EPHA3: variants seen among roughly 807,000 people sequenced by gnomAD.
EPHA3 encodes the protein EPH receptor A3.
EPHA3 carries 42 observed loss-of-function variants against 107.1 expected under a neutral mutation model. The observed-to-expected ratio is 0.39, with a 90% confidence interval of 0.31 to 0.51. The LOEUF is 0.51. Ranked by LOEUF, EPHA3 falls within the 20% of genes least tolerant of loss-of-function variation. The pLI, the probability that EPHA3 is intolerant of heterozygous loss-of-function variation, is 0.78. For missense variants in EPHA3, 1,183 were observed against 1,211.2 expected (o/e 0.98, Z 0.35); for synonymous variants, 461 against 424.8 (o/e 1.09, Z -1.05).
intron 5 of EPHA3, among the ~76,000 whole-genome samples, chr3:89,365,345 T>G (rs548135285): frequency 6.6e-6 from 1 of 150,892 alleles, no homozygotes; most frequent in East Asian, 1.9e-4. Flanking sequence ...GAATGGTGGC[T>G]TAAGGTCTAC....
intron 3 of EPHA3, among the ~76,000 whole-genome samples, chr3:89,252,454 G>T (rs552033915): frequency 6.6e-6 from 1 of 152,142 alleles, no homozygotes; most frequent in African/African-American, 2.4e-5. Flanking sequence ...GAAACTATTT[G>T]GGGCCAGATA....
At chr3:89,232,909 T>C (rs1704671046) in intron 3 of EPHA3, among the ~76,000 whole-genome samples, 1 of 152,202 alleles carries the variant, frequency 6.6e-6, no homozygotes, top group Non-Finnish European at 1.5e-5. Context: ...GAACCGTAGC[T>C]GTTAGCTCTC....
intron 1 of EPHA3, among the ~76,000 whole-genome samples, chr3:89,108,419 G>A (rs1380842017): frequency 6.6e-6 from 1 of 152,182 alleles, no homozygotes; most frequent in Non-Finnish European, 1.5e-5. Flanking sequence ...AGGTTCTAAA[G>A]AGCAGCATAT....
chr3:89,438,185 T>G (rs1709711190), intron 13 of EPHA3, among the ~76,000 whole-genome samples: 1 of 151,886 alleles, frequency 6.6e-6, no homozygotes, highest in Non-Finnish European at 1.5e-5. Context: ...CTCGGCTCAC[T>G]GCAAGCTCTG....
At chr3:89,329,709 A>G (rs892001825) in intron 3 of EPHA3, among the ~76,000 whole-genome samples, 7 of 152,130 alleles carry the variant, frequency 4.6e-5, no homozygotes, top group Non-Finnish European at 8.8e-5. Context: ...TAAACCTGTT[A>G]TAGTGCATCT....
At chr3:89,138,838 T>C (rs886439731) in intron 2 of EPHA3, among the ~76,000 whole-genome samples, 3 of 151,900 alleles carry the variant, frequency 2.0e-5, no homozygotes, top group Admixed American at 2.0e-4. Context: ...TCTTTTATGT[T>C]AATCAGATTA....
chr3:89,364,279 T>C (rs1280885858), intron 5 of EPHA3, among the ~76,000 whole-genome samples: 1 of 150,938 alleles, frequency 6.6e-6, no homozygotes, highest in African/African-American at 2.4e-5. Flanking sequence ...CTCAGTGATT[T>C]TTGAAACCAG....
chr3:89,402,779 T>G (rs1288903850), intron 7 of EPHA3, among the ~76,000 whole-genome samples: 2 of 152,142 alleles, frequency 1.3e-5, no homozygotes, highest in East Asian at 3.9e-4. Context: ...CCCTACAAAA[T>G]CCGCCTCCTG....
chr3:89,341,145 G>T, intron 4 of EPHA3, 74 bp downstream of exon 4: 1 of 1,470,784 alleles, frequency 6.8e-7, no homozygotes, highest in Non-Finnish European at 9.1e-7. Context: ...GTTTGTTTTT[G>T]TTTTAAAGCA....
chr3:89,127,346 A>G, intron 2 of EPHA3, 73 bp downstream of exon 2: 2 of 1,207,722 alleles, frequency 1.7e-6, no homozygotes, highest in East Asian at 2.3e-5. Context: ...AATTTATTGT[A>G]TTCTCTAAAG....
At chr3:89,366,104 C>A (rs141805620) in intron 5 of EPHA3, among the ~76,000 whole-genome samples, 19 of 150,670 alleles carry the variant, frequency 1.3e-4, no homozygotes, top group African/African-American at 4.6e-4. Flanking sequence ...AGGGAGATGA[C>A]CTTTCAGAGA....
At position 89,371,377 on chromosome 3, in the gene EPHA3, G is replaced by A. The variant is rs79323282; in HGVS notation, c.1307-24460G>A. Among the ~76,000 whole-genome samples the A allele has an allele frequency of 5.9e-5, 9 of 151,568 alleles. No individual in the cohort carries two copies. The South Asian group carries it at 6.2e-4, about 11-fold the overall frequency. ...TTTAATGAACATGCCCTTAACTATC[G>A]TCGACATTTTGGTACCTATTGTGCA... is the stretch of plus-strand genomic sequence containing the variant. On this transcript the variant is annotated intron_variant, in intron 5 of 16. Coordinates refer to ENST00000336596, the MANE Select transcript of EPHA3 (RefSeq NM_005233.6).
Position 89,480,204 on chromosome 3 carries a change from T to C in EPHA3, c.*702T>C, listed in dbSNP as rs1710597435. ...CCTTGATGATTTAATATGGATTTGT[T>C]ACAGCCAAGTGCCAAATGCTCTCTC... On this transcript the variant is annotated 3_prime_UTR_variant, in exon 17 of 17. Transcript: ENST00000336596. 1 of 233,010 alleles carries C rather than the reference T, an allele frequency of 4.3e-6. No individual in the cohort carries two copies. Among genetic ancestry groups the C allele is most frequent in the Non-Finnish European group, 8.5e-6 (1 of 117,834 alleles). The allele number at this position is 233,010 out of a possible 1,614,324, so 14.4% of individuals were successfully genotyped here. A position where few individuals can be genotyped will look rare whatever the true frequency, so the allele number is the denominator to read the frequency against.
At position 89,343,420 on chromosome 3, in the gene EPHA3, T is replaced by C. The variant is rs1394137864; in HGVS notation, c.1306+1330T>C. ...CCTCTCTACTGGTTAATTTCTCAAA[T>C]ACACTGAGTAGTCCCCTAAGCTCAG... On this transcript the variant is annotated intron_variant, in intron 5 of 16. Coordinates refer to ENST00000336596, the MANE Select transcript of EPHA3 (RefSeq NM_005233.6). 4.6e-5 allele frequency among the ~76,000 whole-genome samples: 7 copies of C among 152,192 alleles called. No individual in the cohort carries two copies. In the South Asian group the frequency reaches 8.3e-4, roughly 18 times the overall value.
At chr3:89,123,895 G>T (rs1704027724) in intron 1 of EPHA3, among the ~76,000 whole-genome samples, 1 of 151,960 alleles carries the variant, frequency 6.6e-6, no homozygotes, top group Non-Finnish European at 1.5e-5. Context: ...AAAATATTTG[G>T]CAATCACATC....
chr3:89,480,165 G>A lies in EPHA3; in HGVS notation c.*663G>A, dbSNP rs1710596628. ...TATTTTCTTTTGAATTGTTTTTATTGTTTTCTATTTATGCCTTGATGATTT... is the reference window on the plus strand; with the variant it reads ...TATTTTCTTTTGAATTGTTTTTATTATTTTCTATTTATGCCTTGATGATTT... On this transcript the variant is annotated 3_prime_UTR_variant, in exon 17 of 17. Coordinates refer to ENST00000336596, the MANE Select transcript of EPHA3 (RefSeq NM_005233.6). 2 of 232,620 alleles carry A rather than the reference G, an allele frequency of 8.6e-6. No homozygotes were observed. Among genetic ancestry groups the A allele is most frequent in the Non-Finnish European group, 1.7e-5 (2 of 117,630 alleles). The allele number at this position is 232,620 out of a possible 1,614,324, so 14.4% of individuals were successfully genotyped here. A position where few individuals can be genotyped will look rare whatever the true frequency, so the allele number is the denominator to read the frequency against.
In EPHA3 at chr3:89,341,869, T is replaced by C. The variant is rs202046045; in HGVS notation, c.1085T>C (p.Ile362Thr). The change falls in exon 5 of 17, where the codon ATA becomes ACA. Residue 362 changes from isoleucine (I) to threonine (T), a missense_variant. Ile to Thr is a moderately conservative substitution (Grantham distance 89). Coordinates refer to ENST00000336596, the MANE Select transcript of EPHA3 (RefSeq NM_005233.6). ...GGRKDVTFNI[I>T]CKKCGWNIKQ... is the part of the protein sequence containing the mutation. ...CGGAAAGATGTTACCTTCAACATCATATGTAAAAAATGTGGGTGGAATATA... is the reference window on the plus strand; with the variant it reads ...CGGAAAGATGTTACCTTCAACATCACATGTAAAAAATGTGGGTGGAATATA... 75 of 1,613,840 alleles carry C rather than the reference T, an allele frequency of 4.6e-5. No homozygotes were observed. In the East Asian group the frequency reaches 8.0e-4, roughly 17 times the overall value.
chr3:89,475,052 G>T (rs1427889866), intron 16 of EPHA3, among the ~76,000 whole-genome samples: 3 of 152,072 alleles, frequency 2.0e-5, no homozygotes, highest in Non-Finnish European at 4.4e-5. Context: ...TAACACCTTT[G>T]CCCTAACACT....
In EPHA3 at chr3:89,466,696, C is replaced by A. The variant is rs1221805825; in HGVS notation, c.2691-5768C>A. On this transcript the variant is annotated intron_variant, in intron 15 of 16. Transcript: ENST00000336596. ...GCCTCGCCCTGCTTCGGCTCGCGCACGGTGCGCACACACACTGGCCTGCGC... is the reference window on the plus strand; with the variant it reads ...GCCTCGCCCTGCTTCGGCTCGCGCAAGGTGCGCACACACACTGGCCTGCGC... Among the ~76,000 whole-genome samples the A allele has an allele frequency of 2.3e-5, 3 of 132,750 alleles. No individual in the cohort carries two copies. In the East Asian group the frequency reaches 6.2e-4, roughly 27 times the overall value. 87.1% of individuals were successfully genotyped at this position (132,750 alleles called of 152,430 possible). A position where few individuals can be genotyped will look rare whatever the true frequency, so the allele number is the denominator to read the frequency against.
Sources: gnomAD v4.1 joint callset for allele counts (sites outside exome capture counted in the v4.1 genomes callset) on GRCh38, gnomAD v4.1.1 for gene constraint, MANE v1.5 for transcripts, NCBI Gene and HGNC (gene_info 2026-07-23, HGNC 2026-07-21) for gene names.